PDE6A: variants seen among roughly 807,000 people sequenced by gnomAD.
The protein encoded by PDE6A is rod cGMP-specific 3',5'-cyclic phosphodiesterase subunit alpha.
In PDE6A, 84 loss-of-function variants were observed where a neutral mutation model predicts 106.3. That is an observed-to-expected ratio of 0.79 (90% confidence interval 0.66 to 0.95). The LOEUF is 0.95. Among genes scored for constraint, PDE6A ranks in the 40% least tolerant of loss-of-function variants. The pLI is 0.00. For synonymous variants in PDE6A, 394 were observed against 386.6 expected (o/e 1.02, Z -0.23); for missense variants, 1,052 against 1,084.9 (o/e 0.97, Z 0.43).
chr5:149,897,938 C>A (rs1752819744), intron 10 of PDE6A, among the ~76,000 whole-genome samples: 1 of 152,174 alleles, frequency 6.6e-6, no homozygotes, highest in Non-Finnish European at 1.5e-5. Flanking sequence ...CTCTGAGAAA[C>A]TGATAATTGT....
chr5:149,932,692 T>G, intron 3 of PDE6A: 1 of 1,605,988 alleles, frequency 6.2e-7, no homozygotes, highest in South Asian at 1.1e-5. Flanking sequence ...GAGAAGGAAA[T>G]GCTGCCCCAC....
chr5:149,899,097 GCTCAAGTGATTCATCTGC>G (rs1752870073), intron 9 of PDE6A, among the ~76,000 whole-genome samples: 1 of 152,140 alleles, frequency 6.6e-6, no homozygotes, highest in South Asian at 2.1e-4. Context: ...GAGTTCCTGG[GCTCAAGTGATTCATCTGC>G]CTCAACCTCT....
intron 1 of PDE6A, among the ~76,000 whole-genome samples, chr5:149,943,239 C>A (rs1389386597): frequency 1.3e-5 from 2 of 152,162 alleles, no homozygotes; most frequent in Non-Finnish European, 2.9e-5. Flanking sequence ...ATACTGCCTG[C>A]AAACACATTT....
rs971256714 is a variant in PDE6A, at chr5:149,896,981, A to G, written c.1408-205T>C. Reference sequence around the variant, plus strand: ...TCAAATTCAAGCTCTACCACTTACTAGCCGTGTTATTAATGCTTCTGATCT... The same window carrying G: ...TCAAATTCAAGCTCTACCACTTACTGGCCGTGTTATTAATGCTTCTGATCT... On this transcript the variant is annotated intron_variant, in intron 10 of 21. Coordinates refer to ENST00000255266, the MANE Select transcript of PDE6A (RefSeq NM_000440.3). Among the ~76,000 whole-genome samples, 4 of 152,178 alleles carry G rather than the reference A, an allele frequency of 2.6e-5. No individual in the cohort carries two copies. In the East Asian group the frequency reaches 7.7e-4, roughly 29 times the overall value.
At position 149,907,296 on chromosome 5, in the gene PDE6A, A is replaced by C; in HGVS notation, c.1065+16T>G. On this transcript the variant is annotated intron_variant, in intron 7 of 21. Transcript: ENST00000255266. ...CGTGATCCAAAACTCTCCCCCTTCA[A>C]AGTTATATTACTTACCAGGCCATTC... 2 of 1,596,744 alleles carry C rather than the reference A, an allele frequency of 1.3e-6. No homozygotes were observed. Among genetic ancestry groups the C allele is most frequent in the Non-Finnish European group, 1.7e-6 (2 of 1,164,298 alleles).
intron 5 of PDE6A, among the ~76,000 whole-genome samples, chr5:149,915,828 C>T (rs539276423): frequency 2.0e-5 from 3 of 152,304 alleles, no homozygotes; most frequent in African/African-American, 7.2e-5. Context: ...TGACTTGAAA[C>T]CAGTTTTATC....
chr5:149,916,333 C>A (rs1753551133), intron 5 of PDE6A, among the ~76,000 whole-genome samples: 1 of 152,186 alleles, frequency 6.6e-6, no homozygotes, highest in Non-Finnish European at 1.5e-5. Context: ...CTGCCAGAAT[C>A]TAGGGAGATG....
chr5:149,884,364 ATGTATATATGTG>A (rs1465816176), intron 16 of PDE6A, 103 bp downstream of exon 16: 6 of 703,196 alleles, frequency 8.5e-6, no homozygotes, highest in Non-Finnish European at 1.5e-5. Context: ...ATGTGTATAT[ATGTATATATGTG>A]TGTATATATA....
intron 20 of PDE6A, among the ~76,000 whole-genome samples, chr5:149,865,069 G>A (rs749641750): frequency 7.2e-5 from 11 of 152,036 alleles, no homozygotes; most frequent in South Asian, 2.1e-4. Context: ...GCAAAACCCC[G>A]TCTCTACTAA....
chr5:149,889,081 CAAAA>C (rs568428704), intron 13 of PDE6A, among the ~76,000 whole-genome samples: 3 of 61,590 alleles, frequency 4.9e-5, no homozygotes, highest in Non-Finnish European at 9.0e-5. Context: ...GACTCTGTCT[CAAAA>C]AAAAAAAAAA....
intron 17 of PDE6A, among the ~76,000 whole-genome samples, chr5:149,882,871 A>G (rs968054448): frequency 6.6e-6 from 1 of 152,208 alleles, no homozygotes; most frequent in Non-Finnish European, 1.5e-5. Flanking sequence ...CAGCCTAGGC[A>G]ACATGGCAAA....
intron 1 of PDE6A, among the ~76,000 whole-genome samples, chr5:149,936,552 G>A (rs1476124401): frequency 6.6e-6 from 1 of 152,116 alleles, no homozygotes; most frequent in Non-Finnish European, 1.5e-5. Context: ...TGCATCCAAG[G>A]CAGATGCTAC....
Position 149,876,349 on chromosome 5 carries a change from CTTTTT to C in PDE6A, c.2135+7075_2135+7079del, listed in dbSNP as rs896643767. Among the ~76,000 whole-genome samples, 930 of 120,116 alleles carry C rather than the reference CTTTTT, an allele frequency of 7.7e-3. 17 individuals are homozygous for C. The highest frequency in any genetic ancestry group is 0.025 in the African/African-American group (800 of 32,396). 78.8% of individuals were successfully genotyped at this position (120,116 alleles called of 152,430 possible). A position where few individuals can be genotyped will look rare whatever the true frequency, so the allele number is the denominator to read the frequency against. On this transcript the variant is annotated intron_variant, in intron 17 of 21. Transcript: ENST00000255266. ...CACCTATTTTTTGCCCATTTTTCCTCTTTTTTTTTTTTTTTTTTTTTTAACCAGAG... is the reference window on the plus strand; with the variant it reads ...CACCTATTTTTTGCCCATTTTTCCTCTTTTTTTTTTTTTTTTTAACCAGAG...
intron 7 of PDE6A, 90 bp from the exon 8 acceptor site, chr5:149,903,785 G>T: frequency 1.0e-6 from 1 of 957,894 alleles, no homozygotes; most frequent in Non-Finnish European, 1.7e-6. Context: ...GAAACACCAT[G>T]TTCTTGTCCA....
In PDE6A at chr5:149,886,331, G is replaced by A; in HGVS notation, c.1772C>T (p.Ala591Val). 6.2e-7 allele frequency: 1 copy of A among 1,614,182 alleles called. No homozygotes were observed. The highest frequency in any genetic ancestry group is 8.5e-7 in the Non-Finnish European group (1 of 1,179,996). The change falls in exon 14 of 22, where the codon GCC becomes GTC. Residue 591 changes from alanine to valine, a missense_variant. Physicochemically the swap from Ala to Val is moderately conservative, Grantham distance 64. Coordinates refer to ENST00000255266, the MANE Select transcript of PDE6A (RefSeq NM_000440.3). ...KRYFTDLEAL[A>V]MVTAAFCHDI... is the part of the protein sequence containing the mutation. ...ATGGCAGAAAGCAGCAGTGACCATGGCCAAGGCCTCTAGGTCCGTGAAGTA... is the reference window on the plus strand; with the variant it reads ...ATGGCAGAAAGCAGCAGTGACCATGACCAAGGCCTCTAGGTCCGTGAAGTA...
At chr5:149,932,410 C>A in intron 3 of PDE6A, 7 of 1,368,776 alleles carry the variant, frequency 5.1e-6, no homozygotes, top group Non-Finnish European at 7.3e-6. Context: ...GTTTTTAGTG[C>A]GAGGAGTTTA....
rs751477825 is a variant in PDE6A at position 149,934,735 on chromosome 5, A to G, written c.475-17T>C. 6.2e-7 allele frequency: 1 copy of G among 1,613,242 alleles called. No homozygotes were observed. The highest frequency in any genetic ancestry group is 1.1e-5 in the South Asian group (1 of 91,040). ...ATGCTCATCCTAAAGGAAGGCAGAG[A>G]TAAGCACGGACAGGCAAATGAAGAG... On this transcript the variant is annotated splice_polypyrimidine_tract_variant and intron_variant, in intron 1 of 21. Transcript: ENST00000255266.
intron 3 of PDE6A, 76 bp from the exon 4 acceptor site, chr5:149,931,244 A>G (rs1462178469): frequency 1.4e-6 from 2 of 1,391,346 alleles, no homozygotes; most frequent in African/African-American, 2.8e-5. Context: ...AATAACAACA[A>G]TTCTGTAAAG....
At chr5:149,869,707 C>T (rs940859838) in intron 17 of PDE6A, among the ~76,000 whole-genome samples, 2 of 152,074 alleles carry the variant, frequency 1.3e-5, no homozygotes, top group Non-Finnish European at 2.9e-5. Context: ...GCTGGCAGGA[C>T]TAGTAGGATG....
Sources: allele counts gnomAD v4.1 joint callset (sites outside exome capture counted in the v4.1 genomes callset), GRCh38; gene constraint gnomAD v4.1.1; transcripts MANE v1.5; gene names NCBI Gene and HGNC (gene_info 2026-07-23, HGNC 2026-07-21).